Variants in EPHA6 observed in about 807,000 individuals in gnomAD.
EPHA6 encodes the protein EPH receptor A6, also known as ephrin type-A receptor 6.
A neutral mutation model predicts 112.0 loss-of-function variants in EPHA6; 50 were observed. The observed-to-expected ratio is 0.45, with a 90% CI of 0.36 to 0.56. The LOEUF (loss-of-function observed/expected upper bound fraction) is 0.56, where lower values mean the gene tolerates loss of function less well. EPHA6 is among the 20% of genes least tolerant of loss of function. EPHA6 has a pLI of 0.00. For synonymous variants in EPHA6, 529 were observed against 490.7 expected (o/e 1.08, Z -1.03); for missense variants, 1,280 against 1,417.4 (o/e 0.90, Z 1.56).
intron 5 of EPHA6, among the ~76,000 whole-genome samples, chr3:97,349,193 G>A (rs1439224114): frequency 6.6e-6 from 1 of 151,736 alleles, no homozygotes; most frequent in African/African-American, 2.4e-5. Context: ...TTCAATTTTA[G>A]TCTTATAAAG....
At chr3:97,534,036 C>T (rs1482532831) in intron 11 of EPHA6, among the ~76,000 whole-genome samples, 2 of 152,086 alleles carry the variant, frequency 1.3e-5, no homozygotes, top group Non-Finnish European at 2.9e-5. Flanking sequence ...TGGTTTGTTG[C>T]ACAGCAATAG....
chr3:97,378,730 T>A (rs1413430860), intron 5 of EPHA6, among the ~76,000 whole-genome samples: 2 of 152,320 alleles, frequency 1.3e-5, no homozygotes, highest in Non-Finnish European at 2.9e-5. Context: ...GATTTCAGAC[T>A]TTCATGGGCC....
intron 4 of EPHA6, among the ~76,000 whole-genome samples, chr3:97,240,099 T>C (rs1419051865): frequency 6.6e-6 from 1 of 151,668 alleles, no homozygotes; most frequent in Admixed American, 6.6e-5. Flanking sequence ...CATTTCCAAA[T>C]AGAAAAAATT....
chr3:97,618,309 C>A (rs1408177938), intron 13 of EPHA6, among the ~76,000 whole-genome samples: 1 of 152,024 alleles, frequency 6.6e-6, no homozygotes, highest in Non-Finnish European at 1.5e-5. Flanking sequence ...GCACTAAATA[C>A]CCACCTCAAA....
At chr3:96,942,148 C>G (rs1256259786) in intron 2 of EPHA6, among the ~76,000 whole-genome samples, 3 of 152,226 alleles carry the variant, frequency 2.0e-5, no homozygotes, top group Non-Finnish European at 4.4e-5. Flanking sequence ...AGCTGTCAGA[C>G]AGGGGCATTC....
At chr3:97,095,029 A>C (rs1451131372) in intron 3 of EPHA6, among the ~76,000 whole-genome samples, 1 of 152,066 alleles carries the variant, frequency 6.6e-6, no homozygotes, top group Non-Finnish European at 1.5e-5. Flanking sequence ...CCCATCGCCT[A>C]TGATTAGTGT....
At chr3:96,981,152 G>GT (rs879031892) in intron 2 of EPHA6, among the ~76,000 whole-genome samples, 1 of 152,022 alleles carries the variant, frequency 6.6e-6, no homozygotes. Flanking sequence ...AATGCTTCCA[G>GT]TTTTGCCCAT....
intron 16 of EPHA6, among the ~76,000 whole-genome samples, chr3:97,736,507 G>GTA (rs1240820227): frequency 4.0e-5 from 6 of 151,454 alleles, no homozygotes; most frequent in Admixed American, 2.0e-4. Flanking sequence ...GTGTGTGTGT[G>GTA]TGTGCAGCCC....
chr3:97,332,954 C>T (rs2082871423), intron 5 of EPHA6, among the ~76,000 whole-genome samples: 1 of 151,650 alleles, frequency 6.6e-6, no homozygotes, highest in Admixed American at 6.6e-5. Flanking sequence ...CAGAGTCTGT[C>T]TTTCCATATG....
chr3:97,123,938 A>T (rs1270040065), intron 3 of EPHA6, among the ~76,000 whole-genome samples: 1 of 152,136 alleles, frequency 6.6e-6, no homozygotes, highest in East Asian at 1.9e-4. Flanking sequence ...AGATCTCCTG[A>T]GTAGTTTATC....
At chr3:97,219,850 T>G (rs1289238744) in intron 3 of EPHA6, among the ~76,000 whole-genome samples, 1 of 152,190 alleles carries the variant, frequency 6.6e-6, no homozygotes, top group Non-Finnish European at 1.5e-5. Context: ...TTTCCAAAAT[T>G]TTATGCTCTA....
chr3:97,241,040 G>A (rs906096918), intron 4 of EPHA6, among the ~76,000 whole-genome samples: 1 of 151,524 alleles, frequency 6.6e-6, no homozygotes, highest in South Asian at 2.1e-4. Context: ...GACCTACCGG[G>A]ACAGATGTTT....
intron 6 of EPHA6, among the ~76,000 whole-genome samples, chr3:97,417,091 C>T (rs1295843845): frequency 6.6e-6 from 1 of 152,158 alleles, no homozygotes; most frequent in African/African-American, 2.4e-5. Flanking sequence ...ATATTCCAGT[C>T]AGCATATGTC....
At chr3:97,158,798 T>A (rs1259098495) in intron 3 of EPHA6, among the ~76,000 whole-genome samples, 2 of 152,082 alleles carry the variant, frequency 1.3e-5, no homozygotes, top group African/African-American at 4.8e-5. Context: ...TATGCATTTG[T>A]GTATGGTGGG....
intron 3 of EPHA6, among the ~76,000 whole-genome samples, chr3:97,110,935 A>G (rs1410850157): frequency 3.3e-5 from 5 of 152,166 alleles, no homozygotes; most frequent in African/African-American, 4.8e-5. Context: ...AGGAAGTACT[A>G]CAAAATATGT....
chr3:97,495,763 G>A (rs954871898), intron 10 of EPHA6, among the ~76,000 whole-genome samples: 6 of 151,934 alleles, frequency 3.9e-5, no homozygotes, highest in African/African-American at 1.4e-4. Context: ...CTTCTTCATT[G>A]GTACAATTGT....
chr3:97,381,201 A>C (rs188351689), intron 5 of EPHA6, among the ~76,000 whole-genome samples: 2 of 152,262 alleles, frequency 1.3e-5, no homozygotes, highest in Admixed American at 6.5e-5. Flanking sequence ...AGAAATACAT[A>C]AAATAAACAT....
chr3:96,874,844 A>G (rs2036850269), intron 2 of EPHA6, among the ~76,000 whole-genome samples: 1 of 152,134 alleles, frequency 6.6e-6, no homozygotes, highest in African/African-American at 2.4e-5. Flanking sequence ...TGAAAGATAC[A>G]TGCAGAAGGG....
chr3:97,734,265 G>GTTA (rs1444686660), intron 15 of EPHA6, among the ~76,000 whole-genome samples: 3 of 151,914 alleles, frequency 2.0e-5, no homozygotes, highest in Non-Finnish European at 4.4e-5. Context: ...TCCTAGAGTG[G>GTTA]GATTTCAATG....
Sources: allele counts gnomAD v4.1 joint callset (sites outside exome capture counted in the v4.1 genomes callset), GRCh38; gene constraint gnomAD v4.1.1; transcripts MANE v1.5; gene names NCBI Gene and HGNC (gene_info 2026-07-23, HGNC 2026-07-21).